Variants in TDP2 observed in about 807,000 individuals in gnomAD.
TDP2 encodes 5'-Tyr-DNA phosphodiesterase.
TDP2 carries 38 observed loss-of-function variants against 42.8 expected under a neutral mutation model. That is an observed-to-expected ratio of 0.89 (90% CI 0.68 to 1.16). TDP2 has a LOEUF of 1.16. TDP2 is among the 50% of genes most tolerant of loss of function. The pLI, the probability that TDP2 is intolerant of heterozygous loss-of-function variation, is 0.00. For synonymous variants in TDP2, 173 were observed against 150.6 expected (o/e 1.15, Z -1.09); for missense variants, 439 against 439.3 (o/e 1.00, Z 0.01).
intron 2 of TDP2, among the ~76,000 whole-genome samples, chr6:24,662,109 G>A (rs745518709): frequency 6.6e-5 from 10 of 152,226 alleles, no homozygotes; most frequent in African/African-American, 9.6e-5. Context: ...AATGCACTGC[G>A]GAAGGCCACA....
In TDP2 at chr6:24,666,531, C is replaced by G. The variant is rs781614136; in HGVS notation, c.246G>C (p.Lys82Asn). ...CCGCTCCCCTCATCACTTACTAGGTCTTGGGCTCAGAGATGGTTTCAGGTC... is the reference window on the plus strand; with the variant it reads ...CCGCTCCCCTCATCACTTACTAGGTGTTGGGCTCAGAGATGGTTTCAGGTC... The part of the protein sequence containing the change: ...ERRPETISEP[K>N]TYVDLTNEET... The change falls in exon 2 of 7, where the codon AAG becomes AAC. Residue 82 changes from lysine to asparagine, a missense_variant. Transcript: ENST00000378198. The G allele has an allele frequency of 6.2e-7, 1 of 1,613,942 alleles. No individual in the cohort carries two copies.
At position 24,650,621 on chromosome 6, in the gene TDP2, A is replaced by T; in HGVS notation, c.*167T>A. ...AATGCAGGAATGTGTTCGTTTAAAT[A>T]AACATTAATCTTTAATGTTGAATTC... On this transcript the variant is annotated 3_prime_UTR_variant, in exon 7 of 7. Coordinates refer to ENST00000378198, the MANE Select transcript of TDP2 (RefSeq NM_016614.3). 2 of 686,246 alleles carry T rather than the reference A, an allele frequency of 2.9e-6. No individual in the cohort carries two copies. Among genetic ancestry groups the T allele is most frequent in the Non-Finnish European group, 4.8e-6 (2 of 418,990 alleles). 42.5% of individuals were successfully genotyped at this position (686,246 alleles called of 1,614,324 possible).
intron 2 of TDP2, among the ~76,000 whole-genome samples, chr6:24,662,815 C>G (rs1228149079): frequency 1.3e-5 from 2 of 152,210 alleles, no homozygotes; most frequent in Non-Finnish European, 2.9e-5. Context: ...GAGAAAAAGC[C>G]AAGTGATTCC....
At chr6:24,662,449 T>G (rs1778166035) in intron 2 of TDP2, among the ~76,000 whole-genome samples, 2 of 151,766 alleles carry the variant, frequency 1.3e-5, no homozygotes, top group South Asian at 4.1e-4. Flanking sequence ...CTGAGATGTT[T>G]GTGTAAAGTC....
At chr6:24,660,681 AG>A (rs1180460713) in intron 2 of TDP2, among the ~76,000 whole-genome samples, 1 of 152,252 alleles carries the variant, frequency 6.6e-6, no homozygotes, top group East Asian at 1.9e-4. Context: ...TAATATCTAA[AG>A]ACCTAGACCA....
intron 4 of TDP2, among the ~76,000 whole-genome samples, chr6:24,657,245 T>C (rs775247574): frequency 5.9e-5 from 9 of 152,210 alleles, no homozygotes; most frequent in Non-Finnish European, 1.0e-4. Flanking sequence ...AGATGGGTTC[T>C]GCAGAGCACA....
chr6:24,657,178 G>A (rs1778072694), intron 4 of TDP2, among the ~76,000 whole-genome samples: 1 of 152,122 alleles, frequency 6.6e-6, no homozygotes, highest in Non-Finnish European at 1.5e-5. Context: ...CCAAATGCAG[G>A]TTGAAAATAC....
At chr6:24,666,201 G>C in intron 2 of TDP2, 1 of 1,550,324 alleles carries the variant, frequency 6.5e-7, no homozygotes, top group African/African-American at 1.4e-5. Flanking sequence ...GCCATTTTTC[G>C]ATAGAAGGTT....
In TDP2 at chr6:24,652,981, A is replaced by T; in HGVS notation, c.807+2T>A. 1.2e-6 allele frequency: 2 copies of T among 1,612,456 alleles called. No homozygotes were observed. The highest frequency in any genetic ancestry group is 1.7e-6 in the Non-Finnish European group (2 of 1,179,972). ...AAACATCAAACTGACTTTGTCACTC[A>T]CCTCTCGATCCCTTAGATTTGTATC... On this transcript the variant is annotated splice_donor_variant, in intron 6 of 6. Coordinates refer to ENST00000378198, the MANE Select transcript of TDP2 (RefSeq NM_016614.3). LOFTEE classifies it high-confidence loss of function.
chr6:24,662,377 G>A (rs754224014), intron 2 of TDP2, among the ~76,000 whole-genome samples: 1 of 152,108 alleles, frequency 6.6e-6, no homozygotes, highest in Non-Finnish European at 1.5e-5. Flanking sequence ...TACTTGGATG[G>A]GAGAAAACCG....
chr6:24,662,082 C>T (rs746946686), intron 2 of TDP2, among the ~76,000 whole-genome samples: 1 of 152,136 alleles, frequency 6.6e-6, no homozygotes, highest in Admixed American at 6.5e-5. Context: ...TCTCCAGTCT[C>T]GAGTACCCAG....
At chr6:24,658,894 A>G (rs6907640) in intron 2 of TDP2, 160 bp from the exon 3 acceptor site, 12,446 of 684,048 alleles carry the variant, frequency 0.018, 550 homozygotes, top group African/African-American at 0.12. Flanking sequence ...CAGGTTCTAG[A>G]CAGAAATATA....
chr6:24,651,530 C>T (rs1302550450), intron 6 of TDP2, among the ~76,000 whole-genome samples: 1 of 152,092 alleles, frequency 6.6e-6, no homozygotes, highest in Non-Finnish European at 1.5e-5. Context: ...CTCATTCACA[C>T]TCCAGGATTT....
rs767005683 is a variant in TDP2, at chr6:24,666,772, C to CCA, written c.89_90dup (p.Glu31TrpfsTer29). ...TCGCAGCTTGCGACCGAGGCAAACTCCACACACAGAAGTCGCCGCTTTTTC... is the reference window on the plus strand; with the variant it reads ...TCGCAGCTTGCGACCGAGGCAAACTCCACACACACAGAAGTCGCCGCTTTTTC... On this transcript the variant is annotated frameshift_variant, in exon 1 of 7. Transcript: ENST00000378198. LOFTEE classifies it high-confidence loss of function. The CCA allele has an allele frequency of 2.5e-6, 4 of 1,614,126 alleles. No individual in the cohort carries two copies. The African/African-American group carries it at 5.3e-5, about 22-fold the overall frequency.
chr6:24,655,909 C>G (rs1778054545), intron 4 of TDP2, among the ~76,000 whole-genome samples: 1 of 152,190 alleles, frequency 6.6e-6, no homozygotes, highest in Admixed American at 6.5e-5. Context: ...CAATCAATCC[C>G]TCACCCCTGT....
intron 2 of TDP2, among the ~76,000 whole-genome samples, chr6:24,661,444 T>C (rs1778146321): frequency 6.6e-6 from 1 of 152,250 alleles, no homozygotes; most frequent in Non-Finnish European, 1.5e-5. Flanking sequence ...TCTGGGCACC[T>C]CCTTACTTTC....
In TDP2 at chr6:24,654,267, TAG is replaced by T. The variant is rs766185354; in HGVS notation, c.636+143_636+144del. Reference sequence around the variant, plus strand: ...TAAAATTTATGTAAAAAATTAATTTTAGAGAGTGTTAAAGACTATCTAAAAGA... The same window carrying T: ...TAAAATTTATGTAAAAAATTAATTTTAGAGTGTTAAAGACTATCTAAAAGA... On this transcript the variant is annotated intron_variant, in intron 5 of 6. Transcript: ENST00000378198. 6.4e-5 allele frequency: 28 copies of T among 434,140 alleles called. 1 individual carries two copies. In the South Asian group the frequency reaches 1.3e-3, roughly 20 times the overall value. The allele number at this position is 434,140 out of a possible 1,614,324, so 26.9% of individuals were successfully genotyped here.
intron 2 of TDP2, chr6:24,666,083 G>A: frequency 6.5e-7 from 1 of 1,538,454 alleles, no homozygotes; most frequent in Non-Finnish European, 8.7e-7. Context: ...AACAGGAGTA[G>A]GTGTGCATTA....
intron 2 of TDP2, 152 bp downstream of exon 2, chr6:24,666,374 C>T: frequency 1.4e-6 from 2 of 1,415,010 alleles, no homozygotes; most frequent in Non-Finnish European, 1.9e-6. Flanking sequence ...CGCGCAGCAG[C>T]AGCAACGCAA....
Sources: allele counts gnomAD v4.1 joint callset (sites outside exome capture counted in the v4.1 genomes callset), GRCh38; gene constraint gnomAD v4.1.1; transcripts MANE v1.5; gene names NCBI Gene and HGNC (gene_info 2026-07-23, HGNC 2026-07-21).